Variants in TEAD1 observed in about 807,000 individuals in gnomAD.
TEAD1 encodes the protein TEA domain transcription factor 1.
TEAD1 carries 9 observed loss-of-function variants against 54.9 expected under a neutral mutation model. The observed-to-expected ratio is 0.16, with a 90% confidence interval of 0.10 to 0.29. The LOEUF (loss-of-function observed/expected upper bound fraction) is 0.29. TEAD1 is among the 10% of genes least tolerant of loss of function. TEAD1 has a pLI of 1.00. For synonymous variants in TEAD1, 200 were observed against 187.8 expected (o/e 1.07, Z -0.53); for missense variants, 387 against 535.9 (o/e 0.72, Z 2.74).
intron 2 of TEAD1, among the ~76,000 whole-genome samples, chr11:12,733,229 A>G (rs1944458950): frequency 6.6e-6 from 1 of 152,252 alleles, no homozygotes; most frequent in Non-Finnish European, 1.5e-5. Flanking sequence ...CTTTGGACCC[A>G]GCGGCCCCTA....
At chr11:12,681,150 C>T (rs1200146408) in intron 2 of TEAD1, among the ~76,000 whole-genome samples, 1 of 152,126 alleles carries the variant, frequency 6.6e-6, no homozygotes, top group Non-Finnish European at 1.5e-5. Flanking sequence ...ATCTTGAAAT[C>T]CTGGGCACTT....
rs1020695021 is a variant in TEAD1 at position 12,731,231 on chromosome 11, G to A, written c.-54-32948G>A. On this transcript the variant is annotated intron_variant, in intron 2 of 12. Coordinates refer to ENST00000527636, the MANE Select transcript of TEAD1 (RefSeq NM_021961.6). ...CTAGCCCATTTAGGTTTTTTCTTTT[G>A]AAAAATCTAAAATAATTTTTCTTAT... Among the ~76,000 whole-genome samples the A allele has an allele frequency of 2.0e-5, 3 of 152,050 alleles. No homozygotes were observed. In the East Asian group the frequency reaches 5.8e-4, roughly 29 times the overall value.
chr11:12,898,301 G>A (rs1472587030), intron 9 of TEAD1, among the ~76,000 whole-genome samples: 1 of 152,080 alleles, frequency 6.6e-6, no homozygotes, highest in Non-Finnish European at 1.5e-5. Context: ...GCAAAAGCAG[G>A]AAAGTTATTT....
intron 2 of TEAD1, among the ~76,000 whole-genome samples, chr11:12,699,033 C>T (rs923130085): frequency 6.6e-6 from 1 of 152,084 alleles, no homozygotes; most frequent in Non-Finnish European, 1.5e-5. Context: ...GAGAAAAGTC[C>T]TCCAATTTAA....
intron 10 of TEAD1, among the ~76,000 whole-genome samples, chr11:12,912,529 C>T (rs1589983300): frequency 6.6e-6 from 1 of 152,032 alleles, no homozygotes; most frequent in South Asian, 2.1e-4. Context: ...TCCCCATGGC[C>T]ACTGGGGCTT....
intron 11 of TEAD1, among the ~76,000 whole-genome samples, chr11:12,925,694 G>C (rs1435712607): frequency 2.6e-5 from 4 of 152,152 alleles, no homozygotes; most frequent in Non-Finnish European, 5.9e-5. Context: ...GAGGCCTTGT[G>C]GGGTAGTGTG....
At chr11:12,869,177 T>TACCC (rs1947687275) in intron 5 of TEAD1, among the ~76,000 whole-genome samples, 4 of 152,142 alleles carry the variant, frequency 2.6e-5, no homozygotes, top group African/African-American at 9.7e-5. Flanking sequence ...ATGGGGTTCA[T>TACCC]TCAAATTTAC....
chr11:12,683,339 A>G (rs1053346585), intron 2 of TEAD1, among the ~76,000 whole-genome samples: 2 of 152,196 alleles, frequency 1.3e-5, no homozygotes, highest in Non-Finnish European at 1.5e-5. Context: ...CTCTAGTCCT[A>G]AGGATCTGGG....
In TEAD1 at chr11:12,941,612, T is replaced by C. The variant is rs1233251334; in HGVS notation, c.*4390T>C. 1 of 152,660 alleles carries C rather than the reference T, an allele frequency of 6.6e-6. No homozygotes were observed. Among genetic ancestry groups the C allele is most frequent in the Non-Finnish European group, 1.5e-5 (1 of 68,038 alleles). The allele number at this position is 152,660 out of a possible 1,614,324, so 9.5% of individuals were successfully genotyped here. A position where few individuals can be genotyped will look rare whatever the true frequency, so the allele number is the denominator to read the frequency against. On this transcript the variant is annotated 3_prime_UTR_variant, in exon 13 of 13. Coordinates refer to ENST00000527636, the MANE Select transcript of TEAD1 (RefSeq NM_021961.6). The stretch of plus-strand genomic sequence containing the variant: ...CTGAACTAACGAAGGGTAGAACTAA[T>C]TCTGTTTGTCAGTGTTCACACCTGT...
chr11:12,884,012 A>G (rs1037840412), intron 9 of TEAD1, among the ~76,000 whole-genome samples: 4 of 150,866 alleles, frequency 2.7e-5, no homozygotes, highest in Non-Finnish European at 5.9e-5. Context: ...AAAAAAAAGA[A>G]GAAGTAACAA....
At chr11:12,920,773 A>G (rs763709974) in intron 10 of TEAD1, among the ~76,000 whole-genome samples, 1 of 152,266 alleles carries the variant, frequency 6.6e-6, no homozygotes, top group East Asian at 1.9e-4. Flanking sequence ...AAGTTGAAAG[A>G]AAGAAAAATA....
chr11:12,767,661 T>G (rs1166042960), intron 3 of TEAD1, among the ~76,000 whole-genome samples: 1 of 152,142 alleles, frequency 6.6e-6, no homozygotes, highest in African/African-American at 2.4e-5. Flanking sequence ...GCTAACTTGG[T>G]CTTTGGGGAG....
intron 3 of TEAD1, among the ~76,000 whole-genome samples, chr11:12,807,691 A>T (rs1365327645): frequency 1.3e-5 from 2 of 152,248 alleles, no homozygotes; most frequent in African/African-American, 4.8e-5. Flanking sequence ...TTGTGGTAAG[A>T]GAACCTCTCC....
intron 3 of TEAD1, among the ~76,000 whole-genome samples, chr11:12,775,720 A>G (rs1945402567): frequency 6.6e-6 from 1 of 152,210 alleles, no homozygotes; most frequent in Non-Finnish European, 1.5e-5. Flanking sequence ...ACAGTCTACT[A>G]ATAGTGGTTG....
chr11:12,789,547 C>A (rs1287900371), intron 3 of TEAD1, among the ~76,000 whole-genome samples: 1 of 152,164 alleles, frequency 6.6e-6, no homozygotes, highest in Admixed American at 6.5e-5. Context: ...AGGGAGCAGA[C>A]AAGAAAGAGT....
At position 12,768,929 on chromosome 11, in the gene TEAD1, G is replaced by A. The variant is rs182458154; in HGVS notation, c.202+4495G>A. On this transcript the variant is annotated intron_variant, in intron 3 of 12. Coordinates refer to ENST00000527636, the MANE Select transcript of TEAD1 (RefSeq NM_021961.6). Reference sequence around the variant, plus strand: ...TACCAAGGTCGAGGGCACCTGGCCTGTTGCTGGCAGGAAGAAATCATCTCA... The same window carrying A: ...TACCAAGGTCGAGGGCACCTGGCCTATTGCTGGCAGGAAGAAATCATCTCA... Among the ~76,000 whole-genome samples, 8 of 152,322 alleles carry A rather than the reference G, an allele frequency of 5.3e-5. No individual in the cohort carries two copies. The East Asian group carries it at 1.5e-3, about 29-fold the overall frequency.
intron 3 of TEAD1, among the ~76,000 whole-genome samples, chr11:12,821,341 TCTC>T (rs1358504468): frequency 6.6e-6 from 1 of 152,194 alleles, no homozygotes. Flanking sequence ...GTGACCCTGT[TCTC>T]CTCCCAAAAC....
intron 2 of TEAD1, among the ~76,000 whole-genome samples, chr11:12,703,534 C>G (rs530459329): frequency 1.3e-5 from 2 of 152,312 alleles, no homozygotes; most frequent in East Asian, 1.9e-4. Context: ...CCTCCTTTAC[C>G]TGGAGGGATC....
intron 9 of TEAD1, among the ~76,000 whole-genome samples, chr11:12,884,925 A>AG (rs934116904): frequency 6.6e-6 from 1 of 152,196 alleles, no homozygotes; most frequent in African/African-American, 2.4e-5. Flanking sequence ...CTTTGGTTGA[A>AG]GGCTGGGCTT....
Sources: allele counts gnomAD v4.1 joint callset (sites outside exome capture counted in the v4.1 genomes callset), GRCh38; gene constraint gnomAD v4.1.1; transcripts MANE v1.5; gene names NCBI Gene and HGNC (gene_info 2026-07-23, HGNC 2026-07-21).